SLC38A8: variants seen among roughly 807,000 people sequenced by gnomAD.
SLC38A8 encodes solute carrier family 38 member 8.
A neutral mutation model predicts 46.0 loss-of-function variants in SLC38A8; 65 were observed. That is an observed-to-expected ratio of 1.41 (90% confidence interval 1.16 to 1.74). The LOEUF (loss-of-function observed/expected upper bound fraction) is 1.74. Ranked by LOEUF, SLC38A8 falls within the 40% of genes most tolerant of loss-of-function variation. SLC38A8 has a pLI of 0.00. For missense variants in SLC38A8, 998 were observed against 567.9 expected (o/e 1.76, Z -7.70); for synonymous variants, 447 against 243.7 (o/e 1.83, Z -7.77).
rs888412758 is a variant in SLC38A8, at chr16:84,031,934, G to A, written c.565C>T (p.Leu189=). ...LGTLAACYLA[L]VITVQYYLWP... is the part of the protein sequence containing the mutation. ...AGGTAGTACTGCACGGTGATGACCA[G>A]GGCCAGGTAACAGGCAGCCAGAGTG... The change falls in exon 5 of 11, where the codon CTG becomes TTG. Residue 189 remains leucine (L), a synonymous_variant. Coordinates refer to ENST00000299709, the MANE Select transcript of SLC38A8 (RefSeq NM_001080442.3). 3 of 1,614,104 alleles carry A rather than the reference G, an allele frequency of 1.9e-6. No homozygotes were observed. The highest frequency in any genetic ancestry group is 2.7e-5 in the African/African-American group (2 of 74,958).
intron 4 of SLC38A8, 86 bp from the exon 5 acceptor site, chr16:84,032,054 C>A: frequency 8.5e-7 from 1 of 1,170,982 alleles, no homozygotes; most frequent in Non-Finnish European, 1.3e-6. Flanking sequence ...TGAATCCCAG[C>A]TCCGCCCTTG....
At chr16:84,010,999 GA>G (rs1262645295) in intron 10 of SLC38A8, among the ~76,000 whole-genome samples, 1 of 152,164 alleles carries the variant, frequency 6.6e-6, no homozygotes, top group Non-Finnish European at 1.5e-5. Flanking sequence ...AGGTCAGAGC[GA>G]TAACAAGATT....
At chr16:84,040,067 C>A (rs1202787380) in intron 2 of SLC38A8, 1 of 152,290 alleles carries the variant, frequency 6.6e-6, no homozygotes, top group Non-Finnish European at 1.5e-5. Context: ...AAACCGCCAA[C>A]CCTAACGCGT....
At chr16:84,023,751 G>A (rs964232930) in intron 6 of SLC38A8, among the ~76,000 whole-genome samples, 22 of 152,114 alleles carry the variant, frequency 1.4e-4, no homozygotes, top group South Asian at 4.1e-4. Flanking sequence ...AAAATTAGCC[G>A]GGCATGGTAA....
At chr16:84,041,157 G>A (rs977885943) in intron 2 of SLC38A8, 4 of 152,290 alleles carry the variant, frequency 2.6e-5, no homozygotes, top group African/African-American at 2.4e-5. Context: ...GCAGCAAAGA[G>A]AAGAGCGCGG....
intron 3 of SLC38A8, among the ~76,000 whole-genome samples, chr16:84,034,458 G>A (rs74875193): frequency 0.03 from 4,570 of 152,260 alleles, 226 homozygotes; most frequent in African/African-American, 0.1. Context: ...ACAGGCGAGT[G>A]GGAGGGTGGT....
At chr16:84,010,013 C>G (rs2084935924) in intron 10 of SLC38A8, 136 bp from the exon 11 acceptor site, 1 of 618,218 alleles carries the variant, frequency 1.6e-6, no homozygotes, top group Non-Finnish European at 2.6e-6. Context: ...AGAATATTTC[C>G]AGTTACCTGT....
At chr16:84,017,529 C>T (rs1019412245) in intron 7 of SLC38A8, among the ~76,000 whole-genome samples, 1 of 152,236 alleles carries the variant, frequency 6.6e-6, no homozygotes, top group Admixed American at 6.5e-5. Context: ...GCTCACAGAG[C>T]TGGTGCACGG....
At chr16:84,014,466 G>C (rs1468759610) in intron 9 of SLC38A8, among the ~76,000 whole-genome samples, 4 of 151,744 alleles carry the variant, frequency 2.6e-5, no homozygotes, top group African/African-American at 7.3e-5. Context: ...CCAGAGTCGA[G>C]GGAGGAGCTG....
chr16:84,040,853 C>G (rs1218380555), intron 2 of SLC38A8, among the ~76,000 whole-genome samples: 1 of 152,200 alleles, frequency 6.6e-6, no homozygotes, highest in Non-Finnish European at 1.5e-5. Flanking sequence ...CCCATTAAAA[C>G]AAAGCTCCAT....
In SLC38A8 at chr16:84,016,660, G is replaced by A. The variant is rs138524338; in HGVS notation, c.1021C>T (p.Pro341Ser). Reference protein sequence around the residue: ...GGWGPSALADPSGLWVRMPLT... With the variant: ...GGWGPSALADSSGLWVRMPLT... ...GGCATCCGGACCCACAGCCCTGAGG[G>A]GTCGGCCAGGGCGCTGGGCCCCCAT... The change falls in exon 9 of 11, where the codon CCC (proline) becomes TCC (serine). Residue 341 changes from proline to serine, a missense_variant. Physicochemically the swap from Pro to Ser is moderately conservative, Grantham distance 74. Coordinates refer to ENST00000299709, the MANE Select transcript of SLC38A8 (RefSeq NM_001080442.3). The A allele has an allele frequency of 9.9e-5, 160 of 1,613,724 alleles. 1 individual carries two copies. In the African/African-American group the frequency reaches 1.7e-3, roughly 17 times the overall value.
At chr16:84,039,266 T>C (rs1356265873) in intron 2 of SLC38A8, among the ~76,000 whole-genome samples, 1 of 152,136 alleles carries the variant, frequency 6.6e-6, no homozygotes, top group African/African-American at 2.4e-5. Flanking sequence ...AAGCCCTACG[T>C]TTTGTGGTAA....
At chr16:84,013,922 T>C (rs1307349640) in intron 9 of SLC38A8, among the ~76,000 whole-genome samples, 1 of 152,114 alleles carries the variant, frequency 6.6e-6, no homozygotes, top group East Asian at 1.9e-4. Context: ...CCAGGGAGTG[T>C]GAGGGAGGAG....
Position 84,033,437 on chromosome 16 carries a change from C to G in SLC38A8, c.421G>C (p.Ala141Pro). 1 of 1,610,518 alleles carries G rather than the reference C, an allele frequency of 6.2e-7. No individual in the cohort carries two copies. Residue 141 changes from alanine (A) to proline (P), a missense_variant, in exon 4 of 11, where the codon GCC (alanine) becomes CCC (proline). By Grantham distance (27) the Ala-to-Pro change is conservative. Coordinates refer to ENST00000299709, the MANE Select transcript of SLC38A8 (RefSeq NM_001080442.3). ...CDSLLSGTPP[A>P]PQPWYADQRF... ...TGGTCTGCGTACCACGGCTGCGGGGCGGGCGGGGTGCCAGACAGGAGGGAG... is the reference window on the plus strand; with the variant it reads ...TGGTCTGCGTACCACGGCTGCGGGGGGGGCGGGGTGCCAGACAGGAGGGAG...
chr16:84,018,223 CTTTTTTTTTTTTTTTT>C (rs796178053), intron 7 of SLC38A8, among the ~76,000 whole-genome samples: 3 of 79,904 alleles, frequency 3.8e-5, no homozygotes, highest in African/African-American at 2.0e-4. Flanking sequence ...GCCCTCATTC[CTTTTTTTTTTTTTTTT>C]TTTTTTTTTT....
At chr16:84,019,900 G>C (rs2085075439) in intron 7 of SLC38A8, among the ~76,000 whole-genome samples, 1 of 152,260 alleles carries the variant, frequency 6.6e-6, no homozygotes, top group Non-Finnish European at 1.5e-5. Context: ...TTGACACCAT[G>C]TGCCACCCCC....
In SLC38A8 at chr16:84,022,855, A is replaced by T. The variant is rs1267369724; in HGVS notation, c.725T>A (p.Met242Lys). ...HEAAVSIYCSMRKRSLSHWAL... is the reference protein window; with the variant it reads ...HEAAVSIYCSKRKRSLSHWAL... ...CCAGTGGGAGAGGCTCCGTTTGCGCATGCTGCAGTAGATGGAGACGGCAGC... is the reference window on the plus strand; with the variant it reads ...CCAGTGGGAGAGGCTCCGTTTGCGCTTGCTGCAGTAGATGGAGACGGCAGC... The change falls in exon 7 of 11, where the codon ATG becomes AAG. Residue 242 changes from methionine (M) to lysine (K), a missense_variant. Coordinates refer to ENST00000299709, the MANE Select transcript of SLC38A8 (RefSeq NM_001080442.3). The T allele has an allele frequency of 6.2e-7, 1 of 1,610,796 alleles. No individual in the cohort carries two copies. The highest frequency in any genetic ancestry group is 8.5e-7 in the Non-Finnish European group (1 of 1,178,742).
intron 9 of SLC38A8, among the ~76,000 whole-genome samples, chr16:84,014,039 G>A (rs1034361690): frequency 2.7e-5 from 4 of 150,520 alleles, no homozygotes; most frequent in Admixed American, 2.0e-4. Flanking sequence ...CCTGAGGGAA[G>A]GGCTGTGTGA....
In SLC38A8 at chr16:84,009,833, G is replaced by T. The variant is rs1169499204; in HGVS notation, c.1259C>A (p.Thr420Asn). The change falls in exon 11 of 11, where the codon ACC (threonine) becomes AAC (asparagine). Residue 420 changes from threonine to asparagine, a missense_variant. Physicochemically the swap from Thr to Asn is moderately conservative, Grantham distance 65. Coordinates refer to ENST00000299709, the MANE Select transcript of SLC38A8 (RefSeq NM_001080442.3). Reference protein sequence around the residue: ...VWGVVSVLVGTFIFGQSTAAA... With the variant: ...VWGVVSVLVGNFIFGQSTAAA... ...CGCCGTGCTCTGCCCAAAGATGAAG[G>T]TGCCGACCAGCACAGAGACCACTCC... The T allele has an allele frequency of 1.2e-6, 2 of 1,614,102 alleles. No homozygotes were observed. Among genetic ancestry groups the T allele is most frequent in the East Asian group, 2.2e-5 (1 of 44,874 alleles).
Sources: gnomAD v4.1 joint callset for allele counts (sites outside exome capture counted in the v4.1 genomes callset) on GRCh38, gnomAD v4.1.1 for gene constraint, MANE v1.5 for transcripts, NCBI Gene and HGNC (gene_info 2026-07-23, HGNC 2026-07-21) for gene names.